Variants in ACACA observed in about 807,000 individuals in gnomAD.
ACACA encodes the protein acetyl-CoA carboxylase alpha, also known as acetyl-CoA carboxylase 1.
ACACA carries 103 observed loss-of-function variants against 296.1 expected under a neutral mutation model. The ratio of observed to expected loss-of-function variants is 0.35; its 90% CI spans 0.30 to 0.41. The LOEUF is 0.41. Ranked by LOEUF, ACACA falls within the 10% of genes least tolerant of loss-of-function variation. ACACA has a pLI of 1.00. For missense variants in ACACA, 1,554 were observed against 2,989.7 expected, an observed-to-expected ratio of 0.52 and a Z score of 11.20; for synonymous variants, 953 against 1,038.6, an observed-to-expected ratio of 0.92 and a Z score of 1.58.
chr17:37,237,546 T>G (rs1242276490), intron 24 of ACACA, among the ~76,000 whole-genome samples: 4 of 152,206 alleles, frequency 2.6e-5, no homozygotes, highest in African/African-American at 9.6e-5. Flanking sequence ...TGGTTTTGGT[T>G]TATATGCCTC....
rs576121447 is a variant in ACACA at position 37,257,633 on chromosome 17, T to G, written c.1826+70A>C. ...TGACAGCAGATGATTCCTATTCCCATGCTCACACCTTCACTTAAGATTAGC... is the reference window on the plus strand; with the variant it reads ...TGACAGCAGATGATTCCTATTCCCAGGCTCACACCTTCACTTAAGATTAGC... On this transcript the variant is annotated intron_variant, in intron 14 of 55. Coordinates refer to ENST00000616317, the MANE Select transcript of ACACA (RefSeq NM_198834.3). The G allele has an allele frequency of 3.3e-6, 5 of 1,501,830 alleles. No homozygotes were observed. In the African/African-American group the frequency reaches 6.9e-5, roughly 21 times the overall value. The allele number at this position is 1,501,830 out of a possible 1,614,324, so 93.0% of individuals were successfully genotyped here. A position where few individuals can be genotyped will look rare whatever the true frequency, so the allele number is the denominator to read the frequency against.
intron 1 of ACACA, among the ~76,000 whole-genome samples, chr17:37,401,238 G>C (rs1180591297): frequency 6.7e-6 from 1 of 150,126 alleles, no homozygotes; most frequent in Non-Finnish European, 1.5e-5. Flanking sequence ...TGTTGCCCAG[G>C]CTGGAGGGCA....
At chr17:37,111,707 G>T in intron 51 of ACACA, 64 bp from the exon 52 acceptor site, 1 of 1,221,888 alleles carries the variant, frequency 8.2e-7, no homozygotes, top group Non-Finnish European at 1.2e-6. Context: ...GGAGACAACA[G>T]AATGAGGCCA....
chr17:37,376,108 G>C, intron 1 of ACACA: 1 of 1,613,106 alleles, frequency 6.2e-7, no homozygotes, highest in South Asian at 1.1e-5. Flanking sequence ...TACCATCTTG[G>C]TCTTCAGCCT....
At chr17:37,252,761 G>C in intron 15 of ACACA, 125 bp downstream of exon 15, 1 of 1,329,674 alleles carries the variant, frequency 7.5e-7, no homozygotes, top group East Asian at 2.3e-5. Flanking sequence ...CTGACTCCTA[G>C]ATTTTTCCAG....
chr17:37,127,659 C>G (rs2074855584), intron 47 of ACACA, among the ~76,000 whole-genome samples: 1 of 152,062 alleles, frequency 6.6e-6, no homozygotes, highest in Non-Finnish European at 1.5e-5. Flanking sequence ...TCCTGGCCAA[C>G]ATGGTGAAAC....
At chr17:37,102,346 A>T (rs1254463325) in intron 52 of ACACA, among the ~76,000 whole-genome samples, 1 of 151,938 alleles carries the variant, frequency 6.6e-6, no homozygotes, top group Non-Finnish European at 1.5e-5. Context: ...CTGGGATTAC[A>T]GGTGCCCGTC....
intron 43 of ACACA, among the ~76,000 whole-genome samples, chr17:37,152,198 T>C (rs1211833338): frequency 1.3e-5 from 2 of 152,124 alleles, no homozygotes; most frequent in East Asian, 1.9e-4. Flanking sequence ...CCTCTAAGGG[T>C]TGACAAGAAA....
chr17:37,379,513 T>A, intron 1 of ACACA: 1 of 1,268,778 alleles, frequency 7.9e-7, no homozygotes, highest in Non-Finnish European at 1.1e-6. Context: ...TGTTTGTTTT[T>A]TTTCTTGTAA....
chr17:37,197,118 G>A lies in ACACA; in HGVS notation c.4158+3021C>T, dbSNP rs115391360. ...GTGTCAACGGACTAGGGTGGCAACA[G>A]ACACCCTAAAAATGTTTTAAAGCTG... On this transcript the variant is annotated intron_variant, in intron 35 of 55. Coordinates refer to ENST00000616317, the MANE Select transcript of ACACA (RefSeq NM_198834.3). Among the ~76,000 whole-genome samples the A allele has an allele frequency of 5.7e-3, 868 of 152,292 alleles. 5 individuals carry two copies. Among genetic ancestry groups the A allele is most frequent in the African/African-American group, 0.02 (826 of 41,544 alleles).
chr17:37,204,248 G>C (rs889265037), intron 33 of ACACA, among the ~76,000 whole-genome samples: 1 of 152,180 alleles, frequency 6.6e-6, no homozygotes, highest in Non-Finnish European at 1.5e-5. Context: ...TATAACTGTA[G>C]ATTATTGTTT....
chr17:37,212,904 C>CAAA (rs201086587), intron 29 of ACACA, among the ~76,000 whole-genome samples: 1 of 117,220 alleles, frequency 8.5e-6, no homozygotes, highest in African/African-American at 3.1e-5. Flanking sequence ...CACTCTGTAC[C>CAAA]AAAAAAAAAA....
chr17:37,307,338 A>T (rs2083928934), intron 3 of ACACA, among the ~76,000 whole-genome samples: 1 of 152,206 alleles, frequency 6.6e-6, no homozygotes, highest in Non-Finnish European at 1.5e-5. Context: ...TCATATTAAT[A>T]CCAGTGATGT....
intron 1 of ACACA, among the ~76,000 whole-genome samples, chr17:37,371,205 G>A (rs571643480): frequency 2.0e-5 from 3 of 151,652 alleles, no homozygotes; most frequent in East Asian, 2.0e-4. Flanking sequence ...TCAGCCCCCC[G>A]AGTAGCTGGG....
At chr17:37,352,561 A>G (rs1170030828) in intron 1 of ACACA, among the ~76,000 whole-genome samples, 6 of 150,316 alleles carry the variant, frequency 4.0e-5, no homozygotes, top group Non-Finnish European at 8.9e-5. Flanking sequence ...AAAATTAAGA[A>G]AAAAAAAAAT....
chr17:37,231,014 G>A (rs1262338712), intron 25 of ACACA, among the ~76,000 whole-genome samples: 3 of 152,192 alleles, frequency 2.0e-5, no homozygotes, highest in Non-Finnish European at 1.5e-5. Context: ...TTTTGACCTA[G>A]ATGGTAGCTA....
At chr17:37,400,555 C>T (rs2051245691) in intron 1 of ACACA, among the ~76,000 whole-genome samples, 1 of 152,190 alleles carries the variant, frequency 6.6e-6, no homozygotes, top group Non-Finnish European at 1.5e-5. Context: ...TGGTAACCAC[C>T]ATTCTGCTAC....
chr17:37,091,468 A>G (rs1456962836), intron 54 of ACACA, among the ~76,000 whole-genome samples: 1 of 152,236 alleles, frequency 6.6e-6, no homozygotes, highest in Non-Finnish European at 1.5e-5. Context: ...TTATGTAAGC[A>G]TAGTGCCACT....
chr17:37,170,799 G>T (rs1025465229), intron 41 of ACACA, among the ~76,000 whole-genome samples: 1 of 152,188 alleles, frequency 6.6e-6, no homozygotes, highest in Non-Finnish European at 1.5e-5. Context: ...AACATTAATT[G>T]TACTATCAAT....
Sources: allele counts gnomAD v4.1 joint callset (sites outside exome capture counted in the v4.1 genomes callset), GRCh38; gene constraint gnomAD v4.1.1; transcripts MANE v1.5; gene names NCBI Gene and HGNC (gene_info 2026-07-23, HGNC 2026-07-21).